Variants in TMEM132D observed in about 807,000 individuals in gnomAD.
The protein encoded by TMEM132D is transmembrane protein 132D, also known as mature OL transmembrane protein.
Under a neutral mutation model 62.3 loss-of-function variants are expected in TMEM132D, and 21 were observed. The observed-to-expected ratio is 0.34, with a 90% confidence interval of 0.24 to 0.49. TMEM132D has a LOEUF of 0.49. TMEM132D is among the 20% of genes least tolerant of loss of function. The probability of loss-of-function intolerance (pLI) is 0.99; values close to 1 mark genes in which losing one functional copy is unlikely to be tolerated. For missense variants in TMEM132D, 1,346 were observed against 1,402.8 expected (o/e 0.96, Z 0.65); for synonymous variants, 621 against 575.6 (o/e 1.08, Z -1.13).
At chr12:129,767,813 CAT>C (rs1324305842) in intron 1 of TMEM132D, among the ~76,000 whole-genome samples, 1 of 152,010 alleles carries the variant, frequency 6.6e-6, no homozygotes, top group African/African-American at 2.4e-5. Context: ...CTGATAAAGA[CAT>C]AAAGATTTAC....
At chr12:129,238,658 T>C (rs935398336) in intron 4 of TMEM132D, among the ~76,000 whole-genome samples, 4 of 152,198 alleles carry the variant, frequency 2.6e-5, no homozygotes, top group Non-Finnish European at 4.4e-5. Context: ...ATGTCCAAAT[T>C]TCCTTATTTT....
intron 5 of TMEM132D, among the ~76,000 whole-genome samples, chr12:129,101,850 G>T (rs12226971): frequency 6.6e-6 from 1 of 151,946 alleles, no homozygotes; most frequent in South Asian, 2.1e-4. Flanking sequence ...GACGTATTTC[G>T]GACTATAAAT....
rs550690058 is a variant in TMEM132D, at chr12:129,227,233, C to A, written c.1300-17570G>T. Reference sequence around the variant, plus strand: ...ATTATGTTAACTGCTACAGAAGATGCCAAGTGATAATAACAATAACTTCCT... The same window carrying A: ...ATTATGTTAACTGCTACAGAAGATGACAAGTGATAATAACAATAACTTCCT... On this transcript the variant is annotated intron_variant, in intron 4 of 8. Coordinates refer to ENST00000422113, the MANE Select transcript of TMEM132D (RefSeq NM_133448.3). Among the ~76,000 whole-genome samples the A allele has an allele frequency of 3.6e-5, 5 of 139,840 alleles. No homozygotes were observed. The South Asian group carries it at 1.1e-3, about 31-fold the overall frequency. 91.7% of individuals were successfully genotyped at this position (139,840 alleles called of 152,430 possible).
intron 2 of TMEM132D, among the ~76,000 whole-genome samples, chr12:129,562,644 G>C (rs1205873011): frequency 4.6e-5 from 7 of 152,134 alleles, no homozygotes; most frequent in African/African-American, 1.4e-4. Context: ...ACGGGAAATG[G>C]TAAGAACTTG....
At chr12:129,179,746 G>A (rs11609723) in intron 5 of TMEM132D, among the ~76,000 whole-genome samples, 38,635 of 152,034 alleles carry the variant, frequency 0.25, 6,163 homozygotes, top group East Asian at 0.53. Context: ...AAGTGACACC[G>A]GCCGGGCCCG....
chr12:129,086,914 T>A (rs994714752), intron 5 of TMEM132D, among the ~76,000 whole-genome samples: 21 of 152,158 alleles, frequency 1.4e-4, no homozygotes, highest in Admixed American at 1.0e-3. Context: ...TTTAGTTCTT[T>A]GAGAATTCTC....
At chr12:129,084,813 C>T (rs1232065739) in intron 5 of TMEM132D, 111 bp from the exon 6 acceptor site, 2 of 981,072 alleles carry the variant, frequency 2.0e-6, no homozygotes, top group Non-Finnish European at 3.0e-6. Context: ...GCTTCCCTTT[C>T]CTCCCCTTAC....
At chr12:129,279,377 C>T (rs904240099) in intron 4 of TMEM132D, among the ~76,000 whole-genome samples, 3 of 152,230 alleles carry the variant, frequency 2.0e-5, no homozygotes, top group East Asian at 1.9e-4. Flanking sequence ...TTTCTACTTC[C>T]TCTTCTTCCT....
At chr12:129,589,811 T>C (rs1878141258) in intron 2 of TMEM132D, among the ~76,000 whole-genome samples, 2 of 152,200 alleles carry the variant, frequency 1.3e-5, no homozygotes, top group Admixed American at 1.3e-4. Context: ...CCAGTAGGAT[T>C]AATTCCATCA....
At chr12:129,818,174 AT>A (rs1565996633) in intron 1 of TMEM132D, among the ~76,000 whole-genome samples, 1 of 111,634 alleles carries the variant, frequency 9.0e-6, no homozygotes, top group Non-Finnish European at 1.8e-5. Context: ...GTGTGTGTGT[AT>A]GTGTGTGTGG....
intron 3 of TMEM132D, among the ~76,000 whole-genome samples, chr12:129,488,803 G>A (rs1296356587): frequency 6.6e-6 from 1 of 151,990 alleles, no homozygotes; most frequent in Admixed American, 6.6e-5. Context: ...GATCTTTCAG[G>A]CCATGAGCAA....
At chr12:129,601,522 C>T (rs1223466396) in intron 2 of TMEM132D, among the ~76,000 whole-genome samples, 1 of 152,178 alleles carries the variant, frequency 6.6e-6, no homozygotes, top group Non-Finnish European at 1.5e-5. Flanking sequence ...ACATGCCTTC[C>T]TCACTAAGCT....
intron 3 of TMEM132D, among the ~76,000 whole-genome samples, chr12:129,465,563 A>G (rs912812388): frequency 2.0e-5 from 3 of 152,250 alleles, no homozygotes; most frequent in African/African-American, 7.2e-5. Flanking sequence ...TCTCAGTCCA[A>G]AATCTCCTTA....
intron 3 of TMEM132D, among the ~76,000 whole-genome samples, chr12:129,350,271 C>T (rs1310343697): frequency 6.6e-6 from 1 of 152,120 alleles, no homozygotes; most frequent in Non-Finnish European, 1.5e-5. Flanking sequence ...TGTTACAACC[C>T]AGCAGGGAAG....
At chr12:129,436,070 T>C (rs1488122196) in intron 3 of TMEM132D, among the ~76,000 whole-genome samples, 2 of 152,198 alleles carry the variant, frequency 1.3e-5, no homozygotes, top group Admixed American at 6.5e-5. Flanking sequence ...CCTTTCTTCC[T>C]GTCTGAAGTG....
chr12:129,358,394 C>A (rs369858634), intron 3 of TMEM132D, among the ~76,000 whole-genome samples: 6 of 152,202 alleles, frequency 3.9e-5, no homozygotes, highest in African/African-American at 1.4e-4. Context: ...TGGCCTGGGA[C>A]TGGCTCCTGG....
intron 4 of TMEM132D, among the ~76,000 whole-genome samples, chr12:129,229,646 A>G (rs1879580761): frequency 6.6e-6 from 1 of 152,246 alleles, no homozygotes; most frequent in South Asian, 2.1e-4. Flanking sequence ...TTCAATTGGT[A>G]TGGAAAGGAC....
At chr12:129,190,093 AGGCTTGCAGATGGAGGGAGGGGTCTTGGG>A (rs796639864) in intron 5 of TMEM132D, among the ~76,000 whole-genome samples, 51,739 of 109,482 alleles carry the variant, frequency 0.47, 17,337 homozygotes, top group East Asian at 0.63. Context: ...AGGGAGTCTC[AGGCTTGCAGATGGAGGGAGGGGTCTTGGG>A]GGCCTGCAGA....
At chr12:129,414,264 T>C (rs1872050811) in intron 3 of TMEM132D, among the ~76,000 whole-genome samples, 2 of 152,252 alleles carry the variant, frequency 1.3e-5, no homozygotes, top group Non-Finnish European at 2.9e-5. Context: ...AGAATGAATC[T>C]TCCGGCTCAT....
Sources: allele counts gnomAD v4.1 joint callset (sites outside exome capture counted in the v4.1 genomes callset), GRCh38; gene constraint gnomAD v4.1.1; transcripts MANE v1.5; gene names NCBI Gene and HGNC (gene_info 2026-07-23, HGNC 2026-07-21).